RPS6KA6: variants seen among roughly 807,000 people sequenced by gnomAD.
The protein encoded by RPS6KA6 is ribosomal protein S6 kinase A6.
RPS6KA6 carries 27 observed loss-of-function variants against 65.4 expected under a neutral mutation model. The ratio of observed to expected loss-of-function variants is 0.41; its 90% CI spans 0.30 to 0.57. The LOEUF (loss-of-function observed/expected upper bound fraction) is 0.57, where lower values mean the gene tolerates loss of function less well. Ranked by LOEUF, RPS6KA6 falls within the 20% of genes least tolerant of loss-of-function variation. The pLI is 0.24. For missense variants in RPS6KA6, 486 were observed against 555.6 expected, an observed-to-expected ratio of 0.87 and a Z score of 1.26; for synonymous variants, 190 against 184.2, an observed-to-expected ratio of 1.03 and a Z score of -0.26.
intron 20 of RPS6KA6, among the ~76,000 whole-genome samples, chrX:84,082,236 A>G (rs2033814719): frequency 8.9e-6 from 1 of 112,261 alleles, no homozygotes; most frequent in Non-Finnish European, 1.9e-5. Context: ...CTGATAAGCA[A>G]CTTCAGCAAC....
chrX:84,187,844 C>G lies in RPS6KA6; in HGVS notation c.56G>C (p.Ser19Thr). Residue 19 changes from serine to threonine, a missense_variant, in exon 1 of 22, where the codon AGC becomes ACC. Around this residue, in one of 3 missense-constraint regions of RPS6KA6, gnomAD observed 106 missense variants for 105.0 expected, o/e 1.01. Transcript: ENST00000262752. ...EPWDREMEVF[S>T]GGGASSGEVN... is the part of the protein sequence containing the mutation. Reference sequence around the variant, plus strand: ...CTCGCCGCTGCTCGCGCCGCCGCCGCTGAACACTTCCATTTCTCGGTCCCA... The same window carrying G: ...CTCGCCGCTGCTCGCGCCGCCGCCGGTGAACACTTCCATTTCTCGGTCCCA... 8.3e-7 allele frequency: 1 copy of G among 1,206,124 alleles called. No individual in the cohort carries two copies. The highest frequency in any genetic ancestry group is 1.1e-6 in the Non-Finnish European group (1 of 892,918).
chrX:84,079,367 T>C (rs751714397), intron 20 of RPS6KA6, among the ~76,000 whole-genome samples: 1 of 110,998 alleles, frequency 9.0e-6, no homozygotes, highest in South Asian at 3.8e-4. Context: ...GGCCCTAGGT[T>C]TCAAGCACAA....
chrX:84,154,658 TCACCACCACCAC>T (rs762801562), intron 3 of RPS6KA6, among the ~76,000 whole-genome samples: 1 of 109,452 alleles, frequency 9.1e-6, no homozygotes, highest in Non-Finnish European at 1.9e-5. Flanking sequence ...ACCAACTTCA[TCACCACCACCAC>T]CACCACCACC....
At chrX:84,167,609 C>T (rs2035618494) in intron 1 of RPS6KA6, among the ~76,000 whole-genome samples, 1 of 111,004 alleles carries the variant, frequency 9.0e-6, no homozygotes, top group Non-Finnish European at 1.9e-5. Context: ...TGGATGAATC[C>T]CAAACACATT....
chrX:84,153,424 TA>T (rs2035363334), intron 3 of RPS6KA6, among the ~76,000 whole-genome samples: 1 of 111,562 alleles, frequency 9.0e-6, no homozygotes, highest in South Asian at 3.7e-4. Context: ...ACCCATACAT[TA>T]ATGATCATTA....
At position 84,117,161 on chromosome X, in the gene RPS6KA6, AT is replaced by A; in HGVS notation, c.861-14del. On this transcript the variant is annotated splice_polypyrimidine_tract_variant and intron_variant, in intron 10 of 21. Transcript: ENST00000262752. ...TCCAAGTTTTGCTCTGAAACAGAGGATTTTAGAAAGTTTCACTTAAATTTAG... is the reference window on the plus strand; with the variant it reads ...TCCAAGTTTTGCTCTGAAACAGAGGATTTAGAAAGTTTCACTTAAATTTAG... 1 of 1,128,526 alleles carries A rather than the reference AT, an allele frequency of 8.9e-7. No homozygotes were observed. The allele number at this position is 1,128,526 out of a possible 1,213,427, so 93.0% of individuals were successfully genotyped here.
At chrX:84,180,093 T>C (rs927510729) in intron 1 of RPS6KA6, among the ~76,000 whole-genome samples, 1 of 111,665 alleles carries the variant, frequency 9.0e-6, no homozygotes, top group Non-Finnish European at 1.9e-5. Flanking sequence ...TCCCCTCATA[T>C]GACGTTTTTC....
At chrX:84,067,996 A>G (rs1204301065) in intron 20 of RPS6KA6, among the ~76,000 whole-genome samples, 1 of 112,080 alleles carries the variant, frequency 8.9e-6, no homozygotes, top group Non-Finnish European at 1.9e-5. Flanking sequence ...TTTTCAACCC[A>G]GAATTTCATA....
At chrX:84,158,184 A>G (rs898397934) in intron 2 of RPS6KA6, among the ~76,000 whole-genome samples, 11 of 110,890 alleles carry the variant, frequency 9.9e-5, no homozygotes, top group African/African-American at 3.6e-4. Flanking sequence ...ATATTATAAA[A>G]GAAACAGGAA....
At chrX:84,082,136 G>A (rs1047743691) in intron 20 of RPS6KA6, among the ~76,000 whole-genome samples, 2 of 111,704 alleles carry the variant, frequency 1.8e-5, no homozygotes, top group East Asian at 2.8e-4. Flanking sequence ...TATTCAAATA[G>A]GAGGAGAGGA....
chrX:84,149,387 G>A (rs1015334147), intron 3 of RPS6KA6, among the ~76,000 whole-genome samples: 2 of 111,801 alleles, frequency 1.8e-5, no homozygotes, highest in African/African-American at 6.5e-5. Flanking sequence ...CCTTTCCAGA[G>A]GTTTTCAATT....
chrX:84,137,740 C>CT (rs1307826760), intron 6 of RPS6KA6, among the ~76,000 whole-genome samples: 1 of 111,812 alleles, frequency 8.9e-6, no homozygotes, highest in Non-Finnish European at 1.9e-5. Context: ...AGTCTTTCTA[C>CT]TTTTTTGTGA....
chrX:84,156,602 T>C (rs1249100171), intron 2 of RPS6KA6, among the ~76,000 whole-genome samples: 1 of 111,247 alleles, frequency 9.0e-6, no homozygotes, highest in African/African-American at 3.3e-5. Context: ...TTAAATAGTA[T>C]TTCACTATAC....
At chrX:84,070,249 A>G (rs148865818) in intron 20 of RPS6KA6, among the ~76,000 whole-genome samples, 190 of 111,767 alleles carry the variant, frequency 1.7e-3, no homozygotes, top group South Asian at 2.6e-3. Flanking sequence ...TTGCAGGCAC[A>G]TGGATGAAGA....
chrX:84,141,478 C>CA lies in RPS6KA6; in HGVS notation c.501+3999dup, dbSNP rs199734584. ...AACAAGAACAAAGAACAAATGGGAC[C>CA]AAAAAAAATCCCAAATAGCAAGATA... On this transcript the variant is annotated intron_variant, in intron 6 of 21. Transcript: ENST00000262752. Among the ~76,000 whole-genome samples the CA allele has an allele frequency of 1.0e-2, 1,058 of 105,918 alleles. 18 individuals carry two copies. The highest frequency in any genetic ancestry group is 0.035 in the African/African-American group (1,016 of 29,345). 92.0% of individuals were successfully genotyped at this position (105,918 alleles called of 115,157 possible). A position where few individuals can be genotyped will look rare whatever the true frequency, so the allele number is the denominator to read the frequency against.
intron 3 of RPS6KA6, among the ~76,000 whole-genome samples, chrX:84,151,799 A>C (rs906448062): frequency 1.8e-5 from 2 of 112,260 alleles, no homozygotes; most frequent in Admixed American, 9.5e-5. Context: ...CATATGTAAT[A>C]AAATGAAGAC....
intron 20 of RPS6KA6, among the ~76,000 whole-genome samples, chrX:84,084,224 T>C (rs899738670): frequency 3.7e-4 from 42 of 112,506 alleles, no homozygotes; most frequent in African/African-American, 1.2e-3. Context: ...TAGATCCCAT[T>C]TGTCAATTGT....
At chrX:84,084,233 G>A (rs1364877164) in intron 20 of RPS6KA6, among the ~76,000 whole-genome samples, 1 of 111,877 alleles carries the variant, frequency 8.9e-6, no homozygotes, top group Non-Finnish European at 1.9e-5. Context: ...TTTGTCAATT[G>A]TTTGCTTTTG....
At chrX:84,185,391 T>C (rs186814968) in intron 1 of RPS6KA6, among the ~76,000 whole-genome samples, 2 of 111,959 alleles carry the variant, frequency 1.8e-5, no homozygotes, top group East Asian at 5.6e-4. Flanking sequence ...CACAGAACAA[T>C]TTTACAAACA....
Sources: allele counts gnomAD v4.1 joint callset (sites outside exome capture counted in the v4.1 genomes callset), GRCh38; gene constraint gnomAD v4.1.1; regional missense constraint gnomAD v4.1.1; transcripts MANE v1.5; gene names NCBI Gene and HGNC (gene_info 2026-07-23, HGNC 2026-07-21).